FSHR: variants seen among roughly 807,000 people sequenced by gnomAD.
FSHR encodes follicle-stimulating hormone receptor.
FSHR carries 46 observed loss-of-function variants against 52.1 expected under a neutral mutation model. The observed-to-expected ratio is 0.88, with a 90% CI of 0.70 to 1.13. The LOEUF (loss-of-function observed/expected upper bound fraction) is 1.13, where lower values mean the gene tolerates loss of function less well. Among genes scored for constraint, FSHR ranks in the 50% most tolerant of loss-of-function variants. The pLI, the probability that FSHR is intolerant of heterozygous loss-of-function variation, is 0.00. For missense variants in FSHR, 964 were observed against 834.6 expected (o/e 1.16, Z -1.91); for synonymous variants, 399 against 309.6 (o/e 1.29, Z -3.03).
chr2:49,127,803 T>C (rs574800018), intron 1 of FSHR, among the ~76,000 whole-genome samples: 33 of 60,280 alleles, frequency 5.5e-4, no homozygotes, highest in South Asian at 5.3e-3. Flanking sequence ...CTTCTTCTTC[T>C]TCTTCTTCTT....
chr2:49,105,813 C>G (rs1446157703), intron 1 of FSHR, among the ~76,000 whole-genome samples: 1 of 152,124 alleles, frequency 6.6e-6, no homozygotes, highest in African/African-American at 2.4e-5. Context: ...TTTGACCTCT[C>G]TCCACCATGT....
chr2:48,965,957 G>A (rs1015105841), intron 9 of FSHR, among the ~76,000 whole-genome samples: 1 of 152,160 alleles, frequency 6.6e-6, no homozygotes, highest in Non-Finnish European at 1.5e-5. Context: ...GGCACTCTTG[G>A]ACTCTGATCA....
intron 1 of FSHR, among the ~76,000 whole-genome samples, chr2:49,076,292 A>G (rs1386127808): frequency 6.6e-6 from 1 of 152,240 alleles, no homozygotes; most frequent in Non-Finnish European, 1.5e-5. Context: ...AGGCCTCACA[A>G]TCATGACAGA....
intron 1 of FSHR, among the ~76,000 whole-genome samples, chr2:49,131,662 G>T (rs1672283967): frequency 6.6e-6 from 1 of 152,084 alleles, no homozygotes; most frequent in South Asian, 2.1e-4. Flanking sequence ...ACATGGAAAT[G>T]CTTCAACTAC....
intron 1 of FSHR, among the ~76,000 whole-genome samples, chr2:49,150,230 T>C (rs1179113165): frequency 6.6e-6 from 1 of 151,974 alleles, no homozygotes; most frequent in Non-Finnish European, 1.5e-5. Context: ...ATGGACAGCG[T>C]TAAGGGACAC....
At chr2:49,087,797 A>T (rs1179781933) in intron 1 of FSHR, among the ~76,000 whole-genome samples, 1 of 152,212 alleles carries the variant, frequency 6.6e-6, no homozygotes, top group African/African-American at 2.4e-5. Flanking sequence ...TTTATTGAAC[A>T]TCTACGTGAC....
chr2:49,139,365 T>C (rs1396064831), intron 1 of FSHR, among the ~76,000 whole-genome samples: 1 of 152,152 alleles, frequency 6.6e-6, no homozygotes, highest in Non-Finnish European at 1.5e-5. Flanking sequence ...GAAGGTAGAA[T>C]ACTTATGAGT....
chr2:49,087,070 G>GATTTTTTTTTTTTTTTTTTTTT (rs60949511), intron 1 of FSHR, among the ~76,000 whole-genome samples: 2 of 86,728 alleles, frequency 2.3e-5, no homozygotes, highest in African/African-American at 8.6e-5. Flanking sequence ...TGTGGGCAGG[G>GATTTTTTTTTTTTTTTTTTTTT]TTTTTTTTTT....
intron 1 of FSHR, among the ~76,000 whole-genome samples, chr2:49,111,310 G>C (rs1671414905): frequency 6.6e-6 from 1 of 152,112 alleles, no homozygotes; most frequent in African/African-American, 2.4e-5. Flanking sequence ...AAACAGGTGA[G>C]GGAAATTTTT....
Position 48,983,135 on chromosome 2 carries a change from G to A in FSHR, c.556C>T (p.His186Tyr). The change falls in exon 7 of 10, where the codon CAC (histidine) becomes TAC (tyrosine). Residue 186 changes from histidine to tyrosine, a missense_variant. Coordinates refer to ENST00000406846, the MANE Select transcript of FSHR (RefSeq NM_000145.4). The part of the protein sequence containing the change: ...WLNKNGIQEI[H>Y]NCAFNGTQLD... ...TGGGTTCCATTGAATGCACAGTTGT[G>A]TATTTCTTGAATCCCATTCTTATTC... The A allele has an allele frequency of 6.2e-7, 1 of 1,614,044 alleles. No homozygotes were observed. Among genetic ancestry groups the A allele is most frequent in the Non-Finnish European group, 8.5e-7 (1 of 1,179,988 alleles).
intron 4 of FSHR, among the ~76,000 whole-genome samples, chr2:49,004,262 C>T (rs986541299): frequency 6.6e-6 from 1 of 152,164 alleles, no homozygotes; most frequent in African/African-American, 2.4e-5. Flanking sequence ...AGGAATACAT[C>T]TATGACTGTC....
chr2:49,036,136 C>A (rs914780997), intron 2 of FSHR, among the ~76,000 whole-genome samples: 4 of 152,150 alleles, frequency 2.6e-5, no homozygotes, highest in African/African-American at 4.8e-5. Flanking sequence ...TTATGATGGA[C>A]ATTAATCAAC....
chr2:48,965,062 G>A (rs1329986032), intron 9 of FSHR, among the ~76,000 whole-genome samples: 2 of 151,782 alleles, frequency 1.3e-5, no homozygotes, highest in Admixed American at 6.6e-5. Flanking sequence ...CAAGTTCACA[G>A]CAATATTAAG....
chr2:49,063,832 T>C (rs1669404994), intron 2 of FSHR, among the ~76,000 whole-genome samples: 2 of 152,264 alleles, frequency 1.3e-5, no homozygotes, highest in East Asian at 1.9e-4. Flanking sequence ...TTTTGAATGT[T>C]TCCAAAACAA....
intron 1 of FSHR, among the ~76,000 whole-genome samples, chr2:49,086,955 A>G (rs769430054): frequency 8.6e-5 from 13 of 151,616 alleles, no homozygotes; most frequent in Non-Finnish European, 1.8e-4. Flanking sequence ...ATTTTAAAAG[A>G]TACTCATGTG....
chr2:49,105,736 G>T (rs947399526), intron 1 of FSHR, among the ~76,000 whole-genome samples: 3 of 152,108 alleles, frequency 2.0e-5, no homozygotes, highest in Non-Finnish European at 4.4e-5. Flanking sequence ...CCAGCTGCCT[G>T]CAAGCTGCCC....
At chr2:49,013,934 C>A (rs1045605751) in intron 4 of FSHR, among the ~76,000 whole-genome samples, 7 of 152,062 alleles carry the variant, frequency 4.6e-5, no homozygotes, top group Non-Finnish European at 7.4e-5. Context: ...GACATGGGAT[C>A]TCTCTTTCTC....
At chr2:49,015,140 G>T (rs1216555197) in intron 4 of FSHR, among the ~76,000 whole-genome samples, 2 of 152,118 alleles carry the variant, frequency 1.3e-5, no homozygotes, top group African/African-American at 4.8e-5. Flanking sequence ...GCAAACTGAG[G>T]TTTAGGGAAA....
rs1354467681 is a variant in FSHR, at chr2:49,127,845, T to C, written c.152+26421A>G. Among the ~76,000 whole-genome samples, 129 of 23,774 alleles carry C rather than the reference T, an allele frequency of 5.4e-3. 1 individual carries two copies. The highest frequency in any genetic ancestry group is 0.019 in the African/African-American group (52 of 2,684). 15.6% of individuals were successfully genotyped at this position (23,774 alleles called of 152,430 possible). A position where few individuals can be genotyped will look rare whatever the true frequency, so the allele number is the denominator to read the frequency against. Reference sequence around the variant, plus strand: ...CTTCTTCTTCCTCTTCTTCTTCTTCTTCTTCTTCTTCTTCTTCTTCTTCTT... The same window carrying C: ...CTTCTTCTTCCTCTTCTTCTTCTTCCTCTTCTTCTTCTTCTTCTTCTTCTT... On this transcript the variant is annotated intron_variant, in intron 1 of 9. Coordinates refer to ENST00000406846, the MANE Select transcript of FSHR (RefSeq NM_000145.4).
Sources: gnomAD v4.1 joint callset for allele counts (sites outside exome capture counted in the v4.1 genomes callset) on GRCh38, gnomAD v4.1.1 for gene constraint, MANE v1.5 for transcripts, NCBI Gene and HGNC (gene_info 2026-07-23, HGNC 2026-07-21) for gene names.